The following FBXO43 variants were observed in gnomAD, a reference collection of about 807,000 sequenced individuals.
FBXO43 encodes F-box protein 43.
FBXO43 carries 22 observed loss-of-function variants against 56.7 expected under a neutral mutation model. The ratio of observed to expected loss-of-function variants is 0.39; its 90% CI spans 0.28 to 0.55. FBXO43 has a LOEUF of 0.55. Among genes scored for constraint, FBXO43 ranks in the 20% least tolerant of loss-of-function variants. FBXO43 has a pLI of 0.66. For synonymous variants in FBXO43, 306 were observed against 294.5 expected, an observed-to-expected ratio of 1.04 and a Z score of -0.40; for missense variants, 733 against 814.9, an observed-to-expected ratio of 0.90 and a Z score of 1.22.
At chr8:100,142,864 T>C (rs1345622062) in intron 1 of FBXO43, among the ~76,000 whole-genome samples, 1 of 152,248 alleles carries the variant, frequency 6.6e-6, no homozygotes, top group African/African-American at 2.4e-5. Context: ...TGGCATGTTG[T>C]ACTTATTCAT....
chr8:100,140,545 T>C, intron 2 of FBXO43, 138 bp downstream of exon 2: 1 of 683,648 alleles, frequency 1.5e-6, no homozygotes, highest in Non-Finnish European at 2.5e-6. Context: ...GTTGGGACGT[T>C]CACTTAAACT....
At chr8:100,147,583 G>C (rs2132152592), upstream of FBXO43, among the ~76,000 whole-genome samples, 1 of 152,302 alleles carries the variant, frequency 6.6e-6, no homozygotes, top group South Asian at 2.1e-4. Flanking sequence ...TTCAGAGTTT[G>C]AAGAGCATTT....
At position 100,141,959 on chromosome 8, in the gene FBXO43, T is replaced by C; in HGVS notation, c.295A>G (p.Lys99Glu). The C allele has an allele frequency of 6.2e-7, 1 of 1,606,144 alleles. No individual in the cohort carries two copies. Among genetic ancestry groups the C allele is most frequent in the South Asian group, 1.1e-5 (1 of 89,184 alleles). The change falls in exon 2 of 5, where the codon AAA (lysine) becomes GAA (glutamate). Residue 99 changes from lysine (K) to glutamate (E), a missense_variant. Coordinates refer to ENST00000428847, the MANE Select transcript of FBXO43 (RefSeq NM_001029860.4). ...IDKEYLGKKE[K>E]GPTLLYEHPE... ...TGCTCATAGAGTAATGTTGGGCCTT[T>C]TTCTTTCTTTCCAAGATATTCTTTA...
intron 1 of FBXO43, among the ~76,000 whole-genome samples, chr8:100,142,949 A>G (rs1814704624): frequency 6.6e-6 from 1 of 152,262 alleles, no homozygotes; most frequent in Non-Finnish European, 1.5e-5. Context: ...GCAACTATTT[A>G]TGGGAAAACC....
intron 1 of FBXO43, among the ~76,000 whole-genome samples, chr8:100,142,499 AC>A (rs911385485): frequency 6.6e-6 from 1 of 152,196 alleles, no homozygotes; most frequent in African/African-American, 2.4e-5. Context: ...TTATTTTATT[AC>A]CTTATGATTT....
At chr8:100,150,149 G>C (rs1175177507), upstream of FBXO43, among the ~76,000 whole-genome samples, 3 of 152,232 alleles carry the variant, frequency 2.0e-5, no homozygotes, top group African/African-American at 7.2e-5. Flanking sequence ...TAGCCTATCA[G>C]AGAAGGGGCC....
Position 100,145,157 on chromosome 8 carries a change from G to T in FBXO43, c.-22C>A, listed in dbSNP as rs1717648719. On this transcript the variant is annotated 5_prime_UTR_variant, in exon 1 of 5. Transcript: ENST00000428847. ...TCATGCCAAAATAATGCCACTTAAA[G>T]AGGAAAACTTTAGTTTGCACAATTA... The T allele has an allele frequency of 1.9e-6, 3 of 1,594,136 alleles. No homozygotes were observed. Among genetic ancestry groups the T allele is most frequent in the Admixed American group, 1.8e-5 (1 of 55,474 alleles).
Position 100,134,345 on chromosome 8 carries a change from T to G in FBXO43, c.1694A>C (p.Glu565Ala). Residue 565 changes from glutamate to alanine, a missense_variant, in exon 4 of 5, where the codon GAG becomes GCG. Physicochemically the swap from Glu to Ala is moderately radical, Grantham distance 107 (BLOSUM62 -1). Coordinates refer to ENST00000428847, the MANE Select transcript of FBXO43 (RefSeq NM_001029860.4). The stretch of plus-strand genomic sequence containing the variant: ...AAGCTGGAGCCGAGTGGCAGCATCC[T>G]CGACATTTAATACAGCCCCCTGTGG... ...TDSEGAVLNV[E>A]DAATRLQLLN... 6.2e-7 allele frequency: 1 copy of G among 1,613,584 alleles called. No homozygotes were observed. Among genetic ancestry groups the G allele is most frequent in the Non-Finnish European group, 8.5e-7 (1 of 1,180,010 alleles).
At position 100,134,368 on chromosome 8, in the gene FBXO43, T is replaced by C. The variant is rs748384984; in HGVS notation, c.1675-4A>G. The C allele has an allele frequency of 2.5e-6, 4 of 1,612,708 alleles. No individual in the cohort carries two copies. The highest frequency in any genetic ancestry group is 3.3e-5 in the Admixed American group (2 of 59,998). On this transcript the variant is annotated splice_polypyrimidine_tract_variant and splice_region_variant and intron_variant, in intron 3 of 4. Coordinates refer to ENST00000428847, the MANE Select transcript of FBXO43 (RefSeq NM_001029860.4). ...CCTCGACATTTAATACAGCCCCCTG[T>C]GGTAAAGGACAAGAGGCATCAATAC...
At chr8:100,135,534 T>C (rs571233161) in intron 3 of FBXO43, among the ~76,000 whole-genome samples, 2 of 151,980 alleles carry the variant, frequency 1.3e-5, no homozygotes, top group Non-Finnish European at 2.9e-5. Context: ...AAAAAGAGCA[T>C]AAGAAAGGGG....
intron 3 of FBXO43, among the ~76,000 whole-genome samples, chr8:100,135,042 AAGAG>A (rs1222675189): frequency 1.3e-5 from 2 of 152,240 alleles, no homozygotes; most frequent in African/African-American, 2.4e-5. Flanking sequence ...AAATAAATAA[AAGAG>A]AGAGAAAAAA....
intron 2 of FBXO43, among the ~76,000 whole-genome samples, chr8:100,139,128 T>A (rs530275140): frequency 6.6e-6 from 1 of 152,262 alleles, no homozygotes; most frequent in African/African-American, 2.4e-5. Context: ...TCGCCTTGAG[T>A]GGCTGTTAGC....
At position 100,144,964 on chromosome 8, in the gene FBXO43, A is replaced by C; in HGVS notation, c.85+87T>G. 2.8e-6 allele frequency: 4 copies of C among 1,408,794 alleles called. No homozygotes were observed. In the South Asian group the frequency reaches 5.9e-5, roughly 21 times the overall value. The allele number at this position is 1,408,794 out of a possible 1,614,324, so 87.3% of individuals were successfully genotyped here. A position where few individuals can be genotyped will look rare whatever the true frequency, so the allele number is the denominator to read the frequency against. On this transcript the variant is annotated intron_variant, in intron 1 of 4. Transcript: ENST00000428847. ...AAAAGAAAGAAAAAAGAAAAAGAAAAAAAAGAAAAAGCACCTACCACATCA... is the reference window on the plus strand; with the variant it reads ...AAAAGAAAGAAAAAAGAAAAAGAAACAAAAGAAAAAGCACCTACCACATCA...
chr8:100,144,534 A>G (rs2980544), intron 1 of FBXO43, among the ~76,000 whole-genome samples: 43,081 of 151,756 alleles, frequency 0.28, 7,667 homozygotes, highest in East Asian at 0.51. Context: ...TCAACAGTTC[A>G]CGGATAAATC....
upstream of FBXO43, among the ~76,000 whole-genome samples, chr8:100,150,241 A>G (rs1232637416): frequency 6.6e-6 from 1 of 152,208 alleles, no homozygotes; most frequent in African/African-American, 2.4e-5. Flanking sequence ...ATTTTTAAAA[A>G]CAATCTGGAA....
intron 1 of FBXO43, among the ~76,000 whole-genome samples, chr8:100,144,559 G>A (rs149315079): frequency 6.7e-6 from 1 of 148,724 alleles, no homozygotes; most frequent in East Asian, 2.0e-4. Flanking sequence ...AAGCCTCTTC[G>A]ATATTCATTT....
chr8:100,148,493 C>G (rs1274863346), upstream of FBXO43, among the ~76,000 whole-genome samples: 1 of 152,194 alleles, frequency 6.6e-6, no homozygotes, highest in Admixed American at 6.5e-5. Flanking sequence ...CTCACTGCAA[C>G]CTTCGCCTCC....
At position 100,133,647 on chromosome 8, in the gene FBXO43, A is replaced by T; in HGVS notation, c.*155T>A. The T allele has an allele frequency of 1.1e-6, 1 of 873,606 alleles. No homozygotes were observed. Among genetic ancestry groups the T allele is most frequent in the Non-Finnish European group, 1.6e-6 (1 of 624,290 alleles). 54.1% of individuals were successfully genotyped at this position (873,606 alleles called of 1,614,324 possible). On this transcript the variant is annotated 3_prime_UTR_variant, in exon 5 of 5. Transcript: ENST00000428847. ...ATAAAATTTTTTCAAAACAACTTTAAAGAAAACATACAATGACATCGATTA... is the reference window on the plus strand; with the variant it reads ...ATAAAATTTTTTCAAAACAACTTTATAGAAAACATACAATGACATCGATTA...
intron 3 of FBXO43, among the ~76,000 whole-genome samples, chr8:100,135,079 G>A (rs1485941377): frequency 2.0e-5 from 3 of 152,098 alleles, no homozygotes; most frequent in Non-Finnish European, 4.4e-5. Context: ...TAACTGGAGG[G>A]AAAAAGTTAC....
Sources: gnomAD v4.1 joint callset for allele counts (sites outside exome capture counted in the v4.1 genomes callset) on GRCh38, gnomAD v4.1.1 for gene constraint, MANE v1.5 for transcripts, NCBI Gene and HGNC (gene_info 2026-07-23, HGNC 2026-07-21) for gene names.